MAP4K4: variants seen among roughly 807,000 people sequenced by gnomAD.
The protein encoded by MAP4K4 is HPK/GCK-like kinase HGK.
In MAP4K4, 38 loss-of-function variants were observed where a neutral mutation model predicts 189.6. That is an observed-to-expected ratio of 0.20 (90% confidence interval 0.15 to 0.26). The LOEUF (loss-of-function observed/expected upper bound fraction) is 0.26. MAP4K4 is among the 10% of genes least tolerant of loss of function. MAP4K4 has a pLI of 1.00. For synonymous variants in MAP4K4, 610 were observed against 624.3 expected, an observed-to-expected ratio of 0.98 and a Z score of 0.34; for missense variants, 1,054 against 1,726.9, an observed-to-expected ratio of 0.61 and a Z score of 6.91.
intron 11 of MAP4K4, 22 bp from the exon 12 acceptor site, chr2:101,844,079 A>C: frequency 1.3e-6 from 2 of 1,588,030 alleles, no homozygotes; most frequent in Non-Finnish European, 8.6e-7. Flanking sequence ...CACACCCCTG[A>C]AAGCCCTGCT....
At chr2:101,891,987 T>TAAA (rs60620198) in exon 33 of MAP4K4, 25 of 59,810 alleles carry the variant, frequency 4.2e-4, no homozygotes, top group African/African-American at 1.2e-3. Flanking sequence ...CAGATGGTTC[T>TAAA]AAAAAAAAAA....
At chr2:101,719,801 C>T (rs956918933) in intron 2 of MAP4K4, among the ~76,000 whole-genome samples, 1 of 152,022 alleles carries the variant, frequency 6.6e-6, no homozygotes, top group Non-Finnish European at 1.5e-5. Flanking sequence ...ATCACAAGGT[C>T]AGGAGTTCAA....
intron 21 of MAP4K4, among the ~76,000 whole-genome samples, chr2:101,868,813 A>G (rs1198314345): frequency 6.7e-6 from 1 of 149,474 alleles, no homozygotes; most frequent in Admixed American, 6.7e-5. Flanking sequence ...TGCTCACTTC[A>G]CTCCTTTCAT....
intron 11 of MAP4K4, among the ~76,000 whole-genome samples, chr2:101,843,119 GC>G (rs1290164154): frequency 6.6e-6 from 1 of 152,174 alleles, no homozygotes; most frequent in African/African-American, 2.4e-5. Flanking sequence ...TTTATCTCTG[GC>G]TCCCCAAAGT....
chr2:101,858,696 T>C (rs1352439905), intron 13 of MAP4K4, among the ~76,000 whole-genome samples: 5 of 152,358 alleles, frequency 3.3e-5, no homozygotes. Context: ...TTAAGAGGAA[T>C]GGCATACTGT....
chr2:101,887,910 C>T lies in MAP4K4; in HGVS notation c.3904C>T (p.Gln1302Ter). Reference sequence around the variant, plus strand: ...AAGGATCACCAAGGATGTAGTTCTACAGTGGGGAGAGATGCCTACATCAGT... The same window carrying T: ...AAGGATCACCAAGGATGTAGTTCTATAGTGGGGAGAGATGCCTACATCAGT... Residue 1302 changes from glutamine to a stop codon, truncating the protein, a stop_gained, in exon 31 of 33, where the codon CAG becomes TAG. Transcript: ENST00000324219. LOFTEE classifies it high-confidence loss of function. 6.2e-7 allele frequency: 1 copy of T among 1,610,124 alleles called. No individual in the cohort carries two copies.
At chr2:101,793,891 A>G (rs750836079) in intron 3 of MAP4K4, among the ~76,000 whole-genome samples, 10 of 152,312 alleles carry the variant, frequency 6.6e-5, no homozygotes, top group Middle Eastern at 3.4e-3. Context: ...CTGGAAAACA[A>G]AACCAGCTGA....
chr2:101,812,396 CCTT>C (rs1444873077), intron 3 of MAP4K4, among the ~76,000 whole-genome samples: 7 of 152,164 alleles, frequency 4.6e-5, no homozygotes, highest in African/African-American at 1.4e-4. Flanking sequence ...TGTCTCGAGG[CCTT>C]CTTTTCATGT....
intron 3 of MAP4K4, among the ~76,000 whole-genome samples, chr2:101,797,899 T>G (rs1216955746): frequency 1.2e-4 from 16 of 128,180 alleles, no homozygotes; most frequent in Admixed American, 7.3e-4. Context: ...GTTTTTTTTT[T>G]TTTTTTTTTT....
At chr2:101,717,966 A>AT (rs1461014077) in intron 2 of MAP4K4, among the ~76,000 whole-genome samples, 1 of 151,850 alleles carries the variant, frequency 6.6e-6, no homozygotes, top group Non-Finnish European at 1.5e-5. Context: ...AAAAAAAAAA[A>AT]GCTATCTTGG....
chr2:101,701,704 G>C (rs911602299), intron 2 of MAP4K4, among the ~76,000 whole-genome samples: 1 of 151,948 alleles, frequency 6.6e-6, no homozygotes, highest in African/African-American at 2.4e-5. Context: ...TTTGAGAGAC[G>C]GATACTCATA....
At chr2:101,867,359 CT>C (rs760617752) in intron 20 of MAP4K4, 50 bp downstream of exon 20, 115 of 1,380,134 alleles carry the variant, frequency 8.3e-5, no homozygotes, top group Non-Finnish European at 5.5e-5. Flanking sequence ...TGAATGAGAT[CT>C]TTCTATTAAA....
At chr2:101,730,933 A>G (rs2058167719) in intron 2 of MAP4K4, among the ~76,000 whole-genome samples, 1 of 151,396 alleles carries the variant, frequency 6.6e-6, no homozygotes, top group African/African-American at 2.4e-5. Context: ...TGTAGTCCCA[A>G]CTACTCGGGA....
At chr2:101,809,947 C>T (rs116097688) in intron 3 of MAP4K4, among the ~76,000 whole-genome samples, 123 of 152,352 alleles carry the variant, frequency 8.1e-4, no homozygotes, top group African/African-American at 2.9e-3. Context: ...ACTTACTTGA[C>T]ATGAACACAT....
At chr2:101,791,882 TAAAGAG>T (rs1392639534) in intron 3 of MAP4K4, among the ~76,000 whole-genome samples, 3 of 152,214 alleles carry the variant, frequency 2.0e-5, no homozygotes, top group African/African-American at 7.2e-5. Context: ...TTTTCTCTGT[TAAAGAG>T]AATAATGGGT....
chr2:101,737,689 A>G (rs2061003629), intron 2 of MAP4K4, among the ~76,000 whole-genome samples: 4 of 151,468 alleles, frequency 2.6e-5, no homozygotes, highest in Admixed American at 2.0e-4. Context: ...GAATTGCTCA[A>G]GGCTGGGATT....
chr2:101,745,553 A>G (rs551329153), intron 2 of MAP4K4, among the ~76,000 whole-genome samples: 2 of 151,514 alleles, frequency 1.3e-5, no homozygotes, highest in East Asian at 1.9e-4. Flanking sequence ...TTCTTATTGT[A>G]TGTGTAACTC....
At chr2:101,857,441 C>T (rs955350922) in intron 13 of MAP4K4, among the ~76,000 whole-genome samples, 3 of 152,056 alleles carry the variant, frequency 2.0e-5, no homozygotes, top group African/African-American at 7.2e-5. Context: ...ATGATTTTTC[C>T]AGCTGTCCCT....
chr2:101,888,670 A>G (rs1472533727), intron 31 of MAP4K4, 126 bp from the exon 32 acceptor site: 1 of 585,836 alleles, frequency 1.7e-6, no homozygotes, highest in Non-Finnish European at 2.6e-6. Context: ...CTTAAATGCT[A>G]GGCATTTAAA....
Sources: allele counts gnomAD v4.1 joint callset (sites outside exome capture counted in the v4.1 genomes callset), GRCh38; gene constraint gnomAD v4.1.1; transcripts MANE v1.5; gene names NCBI Gene and HGNC (gene_info 2026-07-23, HGNC 2026-07-21).